RAPGEF1: variants seen among roughly 807,000 people sequenced by gnomAD.
RAPGEF1 encodes the protein CRK SH3-binding GNRP.
Under a neutral mutation model 143.3 loss-of-function variants are expected in RAPGEF1, and 33 were observed. The observed-to-expected ratio is 0.23, with a 90% CI of 0.17 to 0.31. The LOEUF (loss-of-function observed/expected upper bound fraction) is 0.31. Ranked by LOEUF, RAPGEF1 falls within the 10% of genes least tolerant of loss-of-function variation. The pLI, the probability that RAPGEF1 is intolerant of heterozygous loss-of-function variation, is 1.00. For missense variants in RAPGEF1, 1,199 were observed against 1,645.4 expected (o/e 0.73, Z 4.69); for synonymous variants, 629 against 676.5 (o/e 0.93, Z 1.09).
In RAPGEF1 at chr9:131,627,993, A is replaced by G; in HGVS notation, c.1121T>C (p.Leu374Pro). Residue 374 changes from leucine to proline, a missense_variant, in exon 9 of 27, where the codon CTC (leucine) becomes CCC (proline). By Grantham distance (98) the Leu-to-Pro change is moderately conservative. Transcript: ENST00000683357. Reference protein sequence around the residue: ...RLSPCSSIGKLSKSDEQLSSL... With the variant: ...RLSPCSSIGKPSKSDEQLSSL... ...GGACAGCTGCTCGTCTGACTTGCTG[A>G]GCTTGCCTATGCTGCTGCAGGGGGA... 1 of 1,594,854 alleles carries G rather than the reference A, an allele frequency of 6.3e-7. No individual in the cohort carries two copies. Among genetic ancestry groups the G allele is most frequent in the Non-Finnish European group, 8.5e-7 (1 of 1,170,866 alleles).
intron 1 of RAPGEF1, among the ~76,000 whole-genome samples, chr9:131,705,166 C>T (rs898511621): frequency 1.3e-5 from 2 of 152,202 alleles, no homozygotes; most frequent in Non-Finnish European, 2.9e-5. Flanking sequence ...ATTTATTGCA[C>T]GTCCACTGTG....
At chr9:131,730,644 G>A (rs1187290911) in intron 1 of RAPGEF1, among the ~76,000 whole-genome samples, 3 of 134,660 alleles carry the variant, frequency 2.2e-5, no homozygotes, top group Non-Finnish European at 4.6e-5. Flanking sequence ...GCAGTGAGCC[G>A]AGATCACCCC....
At chr9:131,711,944 T>TA (rs1430092341) in intron 1 of RAPGEF1, among the ~76,000 whole-genome samples, 3 of 152,158 alleles carry the variant, frequency 2.0e-5, no homozygotes, top group Admixed American at 6.5e-5. Context: ...GAAGGGGAAA[T>TA]AATCTTTCCA....
rs761191990 is a variant in RAPGEF1 at position 131,626,373 on chromosome 9, T to A, written c.1251A>T (p.Ala417=). The A allele has an allele frequency of 4.9e-5, 79 of 1,611,776 alleles. No individual in the cohort carries two copies. The East Asian group carries it at 1.1e-3, about 23-fold the overall frequency. Residue 417 remains alanine, a synonymous_variant, in exon 10 of 27, where the codon GCA becomes GCT. Coordinates refer to ENST00000683357, the MANE Select transcript of RAPGEF1 (RefSeq NM_001377935.1). ...YEFLQQDLSN[A]DQIPQQTAWN... ...AGGCCGTCTGCTGAGGTATCTGGTC[T>A]GCGTTAGAGAGGTCTTGCTGGAGGA...
At chr9:131,616,848 C>T (rs2282006) in intron 12 of RAPGEF1, among the ~76,000 whole-genome samples, 125,109 of 152,186 alleles carry the variant, frequency 0.82, 51,563 homozygotes, top group African/African-American at 0.83. Flanking sequence ...ATGTTGGCAC[C>T]GTACTGAATC....
Position 131,690,752 on chromosome 9 carries a change from A to C in RAPGEF1, c.62-39803T>G, listed in dbSNP as rs572768823. Among the ~76,000 whole-genome samples, 3 of 152,334 alleles carry C rather than the reference A, an allele frequency of 2.0e-5. No homozygotes were observed. The South Asian group carries it at 6.2e-4, about 32-fold the overall frequency. On this transcript the variant is annotated intron_variant, in intron 1 of 26. Coordinates refer to ENST00000683357, the MANE Select transcript of RAPGEF1 (RefSeq NM_001377935.1). ...AGGTACAGTGAGCCGAGATTGTGCC[A>C]CTGCACTCCAGTGTAGGTGACAAAG...
chr9:131,635,358 T>C (rs2183022), intron 5 of RAPGEF1, among the ~76,000 whole-genome samples: 131,490 of 152,004 alleles, frequency 0.87, 57,073 homozygotes, highest in African/African-American at 0.93. Context: ...AATGCTACCA[T>C]GCATTCAGGG....
At chr9:131,693,389 C>T (rs1462406870) in intron 1 of RAPGEF1, among the ~76,000 whole-genome samples, 3 of 152,158 alleles carry the variant, frequency 2.0e-5, no homozygotes, top group Non-Finnish European at 4.4e-5. Flanking sequence ...GTGTCACTCA[C>T]GCTCAAGTTC....
intron 5 of RAPGEF1, among the ~76,000 whole-genome samples, chr9:131,631,549 G>A (rs565621193): frequency 3.8e-4 from 58 of 152,368 alleles, no homozygotes; most frequent in African/African-American, 1.3e-3. Context: ...CTGCATGTGT[G>A]TGATGAGGGG....
Position 131,650,164 on chromosome 9 carries a change from T to C in RAPGEF1, c.280A>G (p.Thr94Ala). The C allele has an allele frequency of 6.2e-7, 1 of 1,613,906 alleles. No homozygotes were observed. Among genetic ancestry groups the C allele is most frequent in the Non-Finnish European group, 8.5e-7 (1 of 1,179,806 alleles). The change falls in exon 3 of 27, where the codon ACC (threonine) becomes GCC (alanine). Residue 94 changes from threonine to alanine, a missense_variant. Thr to Ala is a moderately conservative substitution (Grantham distance 58). Coordinates refer to ENST00000683357, the MANE Select transcript of RAPGEF1 (RefSeq NM_001377935.1). The surrounding 1 kb of genome is among the most constrained non-coding windows in gnomAD (Gnocchi z 4.7). ...TGAGACCTGGAAGCCACAGCACTGG[T>C]GGACATAAATTCTACTGCCTGCTGC... ...LEQQAVEFMS[T>A]SAVASRSQRQ...
chr9:131,649,265 G>A (rs1384804456), intron 3 of RAPGEF1, among the ~76,000 whole-genome samples: 1 of 138,158 alleles, frequency 7.2e-6, no homozygotes, highest in Non-Finnish European at 1.5e-5. Context: ...ATGTTGGCCA[G>A]GCTGGTCTTG....
At chr9:131,656,560 G>C (rs1972525734) in intron 1 of RAPGEF1, among the ~76,000 whole-genome samples, 1 of 151,654 alleles carries the variant, frequency 6.6e-6, no homozygotes, top group Non-Finnish European at 1.5e-5. Flanking sequence ...GGGTTCTCTG[G>C]TGCTCAAAGA....
intron 1 of RAPGEF1, among the ~76,000 whole-genome samples, chr9:131,702,790 T>A (rs180723789): frequency 6.6e-6 from 1 of 152,320 alleles, no homozygotes; most frequent in Admixed American, 6.5e-5. Context: ...GTGGAAATAA[T>A]TTCGATATTC....
chr9:131,732,707 A>G (rs889729049), intron 1 of RAPGEF1, among the ~76,000 whole-genome samples: 1 of 152,224 alleles, frequency 6.6e-6, no homozygotes, highest in African/African-American at 2.4e-5. Flanking sequence ...TTGAAACCAC[A>G]ATAAGCTACG....
rs546584179 is a variant in RAPGEF1, at chr9:131,683,612, G to A, written c.62-32663C>T. On this transcript the variant is annotated intron_variant, in intron 1 of 26. Coordinates refer to ENST00000683357, the MANE Select transcript of RAPGEF1 (RefSeq NM_001377935.1). ...TGAACGGTTTGCATTTACAATTCCT[G>A]CAGTAAACAACCTGCAGCCTGCTAA... Among the ~76,000 whole-genome samples the A allele has an allele frequency of 6.6e-5, 10 of 152,314 alleles. No homozygotes were observed. In the South Asian group the frequency reaches 1.2e-3, roughly 19 times the overall value.
At chr9:131,687,594 T>C (rs1452436381) in intron 1 of RAPGEF1, among the ~76,000 whole-genome samples, 1 of 152,200 alleles carries the variant, frequency 6.6e-6, no homozygotes, top group African/African-American at 2.4e-5. Flanking sequence ...AGTAAGGTGG[T>C]CCTTGGCTTT....
chr9:131,725,952 G>A (rs552647865), intron 1 of RAPGEF1, among the ~76,000 whole-genome samples: 8 of 151,774 alleles, frequency 5.3e-5, no homozygotes, highest in South Asian at 4.2e-4. Flanking sequence ...GTAGAGACGG[G>A]GTTTCACCAT....
chr9:131,598,599 CTGCCAAGGCCCACCGCACAGTTAGCA>C (rs1258463294), intron 15 of RAPGEF1: 27 of 537,126 alleles, frequency 5.0e-5, no homozygotes, highest in Non-Finnish European at 3.6e-5. Context: ...CAGCCACTCC[CTGCCAAGGCCCACCGCACAGTTAGCA>C]TTTAGGGAGA....
chr9:131,619,398 C>T (rs1319224441), intron 11 of RAPGEF1, among the ~76,000 whole-genome samples, 192 bp from the exon 12 acceptor site: 1 of 152,178 alleles, frequency 6.6e-6, no homozygotes, highest in Non-Finnish European at 1.5e-5. Flanking sequence ...TGAAAGGGCA[C>T]CCTCCTTCAT....
Sources: gnomAD v4.1 joint callset for allele counts (sites outside exome capture counted in the v4.1 genomes callset) on GRCh38, gnomAD v4.1.1 for gene constraint, Gnocchi (gnomAD v3.1) non-coding constraint, MANE v1.5 for transcripts, NCBI Gene and HGNC (gene_info 2026-07-23, HGNC 2026-07-21) for gene names.